BLTP3B: variants seen among roughly 807,000 people sequenced by gnomAD.
The protein encoded by BLTP3B is UHRF1 (ICBP90) binding protein 1-like.
the BLTP3B span, among the ~76,000 whole-genome samples, chr12:100,095,493 C>G: frequency 6.6e-6 from 1 of 152,170 alleles, no homozygotes; most frequent in African/African-American, 2.4e-5. Flanking sequence ...TAAACACTAA[C>G]AGATATGATA....
the BLTP3B span, among the ~76,000 whole-genome samples, chr12:100,091,921 G>A: frequency 6.6e-6 from 1 of 151,508 alleles, no homozygotes; most frequent in Non-Finnish European, 1.5e-5. Flanking sequence ...AGACTACCCT[G>A]CCTCAGCCTC....
chr12:100,072,581 T>C, the BLTP3B span: 14 of 1,105,118 alleles, frequency 1.3e-5, no homozygotes, highest in Non-Finnish European at 1.7e-5. Context: ...ACAGTTTTAT[T>C]TATTTTTCAT....
chr12:100,075,872 A>G, the BLTP3B span, among the ~76,000 whole-genome samples: 3 of 152,102 alleles, frequency 2.0e-5, no homozygotes, highest in Non-Finnish European at 2.9e-5. Context: ...GCAGTACTGC[A>G]TGTTCTGACT....
the BLTP3B span, among the ~76,000 whole-genome samples, chr12:100,087,716 C>T: frequency 6.6e-6 from 1 of 152,178 alleles, no homozygotes; most frequent in African/African-American, 2.4e-5. Flanking sequence ...GATTACAGAC[C>T]TGTACTATTA....
At chr12:100,113,162 C>T in the BLTP3B span, among the ~76,000 whole-genome samples, 1 of 151,836 alleles carries the variant, frequency 6.6e-6, no homozygotes, top group Admixed American at 6.6e-5. Flanking sequence ...CAGAGTAAGA[C>T]CCTGTCACAC....
At chr12:100,066,125 C>T in the BLTP3B span, among the ~76,000 whole-genome samples, 1 of 152,100 alleles carries the variant, frequency 6.6e-6, no homozygotes, top group African/African-American at 2.4e-5. Flanking sequence ...CTGCTGCCTT[C>T]AAGAGACTCA....
the BLTP3B span, among the ~76,000 whole-genome samples, chr12:100,116,289 T>C: frequency 6.6e-6 from 1 of 150,714 alleles, no homozygotes; most frequent in Non-Finnish European, 1.5e-5. Flanking sequence ...ACCTCATCTG[T>C]ACAAAAAATT....
the BLTP3B span, among the ~76,000 whole-genome samples, chr12:100,056,475 T>C: frequency 6.6e-6 from 1 of 152,000 alleles, no homozygotes; most frequent in East Asian, 1.9e-4. Context: ...ACTTGTTATA[T>C]TTATTATGTT....
the BLTP3B span, among the ~76,000 whole-genome samples, chr12:100,136,810 CT>C: frequency 1.4e-5 from 2 of 147,718 alleles, no homozygotes; most frequent in African/African-American, 5.0e-5. Flanking sequence ...TCTTTTTTTT[CT>C]TTTTTTTTAT....
chr12:100,042,783 T>C, the BLTP3B span, among the ~76,000 whole-genome samples: 2 of 152,154 alleles, frequency 1.3e-5, no homozygotes, highest in Non-Finnish European at 2.9e-5. Context: ...AGATAATCAT[T>C]AGCATTTTTT....
At chr12:100,098,599 T>C in the BLTP3B span, 1 of 1,508,756 alleles carries the variant, frequency 6.6e-7, no homozygotes, top group Non-Finnish European at 8.9e-7. Flanking sequence ...TTAAAAATTC[T>C]ATTAATATTT....
chr12:100,051,199 T>C, the BLTP3B span: 6 of 1,608,250 alleles, frequency 3.7e-6, no homozygotes, highest in South Asian at 3.4e-5. Context: ...CCCTGTAATT[T>C]GTAGTTGAGT....
the BLTP3B span, chr12:100,051,761 C>G: frequency 6.6e-6 from 1 of 152,216 alleles, no homozygotes; most frequent in Non-Finnish European, 1.5e-5. Context: ...AATATTTCCA[C>G]TAAAGTGAAC....
the BLTP3B span, chr12:100,128,507 T>C: frequency 1.9e-6 from 2 of 1,043,108 alleles, no homozygotes; most frequent in South Asian, 4.6e-5. Context: ...AAAGTATCTT[T>C]ATGCAGGGCA....
chr12:100,074,308 C>T, the BLTP3B span, among the ~76,000 whole-genome samples: 2 of 151,984 alleles, frequency 1.3e-5, no homozygotes, highest in African/African-American at 4.8e-5. Context: ...AAGATCTCTA[C>T]AAGAACTGGG....
the BLTP3B span, among the ~76,000 whole-genome samples, chr12:100,133,658 T>C: frequency 6.6e-6 from 1 of 152,226 alleles, no homozygotes; most frequent in African/African-American, 2.4e-5. Flanking sequence ...AATTTCCTTC[T>C]CTGAGATAGG....
At chr12:100,139,111 C>G in the BLTP3B span, among the ~76,000 whole-genome samples, 3 of 152,158 alleles carry the variant, frequency 2.0e-5, no homozygotes, top group Admixed American at 2.0e-4. Context: ...CTCCCCCATC[C>G]CACCAACACA....
At chr12:100,076,746 G>A in the BLTP3B span, among the ~76,000 whole-genome samples, 353 of 152,276 alleles carry the variant, frequency 2.3e-3, 7 homozygotes, top group East Asian at 0.039. Flanking sequence ...ATTCAAGTCA[G>A]TTCCTTACAG....
chr12:100,098,994 T>G, the BLTP3B span, among the ~76,000 whole-genome samples: 1 of 90,834 alleles, frequency 1.1e-5, no homozygotes, highest in Non-Finnish European at 2.1e-5. Context: ...CGTCACCATT[T>G]TATTATTTTT....
Sources: allele counts gnomAD v4.1 joint callset (sites outside exome capture counted in the v4.1 genomes callset), GRCh38; gene constraint gnomAD v4.1.1; transcripts MANE v1.5; gene names NCBI Gene and HGNC (gene_info 2026-07-23, HGNC 2026-07-21).